The following UNC13C variants were observed in gnomAD, a reference collection of about 807,000 sequenced individuals.
UNC13C encodes the protein protein unc-13 homolog C.
UNC13C carries 174 observed loss-of-function variants against 245.4 expected under a neutral mutation model. The ratio of observed to expected loss-of-function variants is 0.71; its 90% CI spans 0.63 to 0.80. The LOEUF is 0.80. Ranked by LOEUF, UNC13C falls within the 30% of genes least tolerant of loss-of-function variation. UNC13C has a pLI of 0.00. For missense variants in UNC13C, 2,829 were observed against 2,602.9 expected (o/e 1.09, Z -1.89); for synonymous variants, 992 against 895.1 (o/e 1.11, Z -1.93).
At chr15:53,843,577 G>A in the UNC13C span, among the ~76,000 whole-genome samples, 21 of 152,016 alleles carry the variant, frequency 1.4e-4, no homozygotes, top group Non-Finnish European at 2.6e-4. Context: ...TTCAAGGAGG[G>A]ACCAGTGGGT....
the UNC13C span, among the ~76,000 whole-genome samples, chr15:53,890,769 G>C: frequency 1.3e-5 from 2 of 151,992 alleles, no homozygotes; most frequent in Admixed American, 1.3e-4. Flanking sequence ...TTCTTTGTTA[G>C]TCTGGCTAGT....
At chr15:54,049,238 T>C in intron 2 of UNC13C, 1 of 511,614 alleles carries the variant, frequency 2.0e-6, no homozygotes, top group Non-Finnish European at 3.8e-6. Flanking sequence ...GTATCATTAC[T>C]CAGAGACACA....
At chr15:53,891,844 C>T in the UNC13C span, among the ~76,000 whole-genome samples, 1 of 152,150 alleles carries the variant, frequency 6.6e-6, no homozygotes, top group African/African-American at 2.4e-5. Flanking sequence ...TTAATTGGGG[C>T]ATTTAGCCCA....
At chr15:53,951,703 A>G in the UNC13C span, among the ~76,000 whole-genome samples, 1 of 152,094 alleles carries the variant, frequency 6.6e-6, no homozygotes, top group Admixed American at 6.6e-5. Context: ...TTTAACCACT[A>G]CCCTTCAAGG....
At chr15:54,368,616 C>T (rs1028693117) in intron 17 of UNC13C, among the ~76,000 whole-genome samples, 2 of 151,602 alleles carry the variant, frequency 1.3e-5, no homozygotes, top group Admixed American at 1.3e-4. Flanking sequence ...TTCACTGTGC[C>T]TCAGTTCCCC....
At chr15:54,286,012 G>T (rs1171085808) in intron 10 of UNC13C, among the ~76,000 whole-genome samples, 1 of 151,986 alleles carries the variant, frequency 6.6e-6, no homozygotes, top group Non-Finnish European at 1.5e-5. Flanking sequence ...TGAGTAGCTG[G>T]AGTTGCAGGT....
intron 2 of UNC13C, among the ~76,000 whole-genome samples, chr15:54,139,248 G>A (rs539107443): frequency 7.5e-6 from 1 of 132,998 alleles, no homozygotes; most frequent in Non-Finnish European, 1.7e-5. Flanking sequence ...GTGAGCAACC[G>A]CATCCGGCCC....
chr15:54,244,896 G>A (rs1364227195), intron 7 of UNC13C, among the ~76,000 whole-genome samples: 1 of 152,040 alleles, frequency 6.6e-6, no homozygotes, highest in Non-Finnish European at 1.5e-5. Flanking sequence ...TCTAAATATA[G>A]GATTATGTCC....
intron 23 of UNC13C, among the ~76,000 whole-genome samples, chr15:54,511,102 C>T (rs547451015): frequency 5.9e-5 from 9 of 152,074 alleles, no homozygotes; most frequent in East Asian, 1.9e-4. Context: ...ATGTATTTAA[C>T]GTTAGCTGGT....
intron 13 of UNC13C, among the ~76,000 whole-genome samples, chr15:54,309,282 A>G (rs1172899845): frequency 1.3e-5 from 2 of 151,782 alleles, no homozygotes; most frequent in African/African-American, 4.8e-5. Flanking sequence ...TTCATATACT[A>G]TTGGGCATTT....
intron 4 of UNC13C, among the ~76,000 whole-genome samples, chr15:54,233,540 A>G (rs554094648): frequency 2.7e-4 from 41 of 152,272 alleles, no homozygotes; most frequent in Non-Finnish European, 4.3e-4. Context: ...AATTCATTTT[A>G]TCTTTATTAC....
intron 12 of UNC13C, among the ~76,000 whole-genome samples, chr15:54,299,883 C>T (rs541007533): frequency 2.5e-4 from 38 of 152,208 alleles, no homozygotes; most frequent in Non-Finnish European, 4.6e-4. Context: ...GCTGAGGAAA[C>T]TAAAGCCTTG....
chr15:53,884,298 A>T, the UNC13C span, among the ~76,000 whole-genome samples: 8 of 151,966 alleles, frequency 5.3e-5, no homozygotes, highest in Admixed American at 4.6e-4. Flanking sequence ...TTTTCTCAGT[A>T]ATTTCCCAGG....
intron 2 of UNC13C, among the ~76,000 whole-genome samples, chr15:54,016,379 C>T (rs973143641): frequency 6.6e-6 from 1 of 152,122 alleles, no homozygotes; most frequent in African/African-American, 2.4e-5. Flanking sequence ...TTAGGGGTTG[C>T]CCATAGGAAA....
chr15:54,593,077 A>G (rs1898890368), intron 30 of UNC13C, among the ~76,000 whole-genome samples: 1 of 151,978 alleles, frequency 6.6e-6, no homozygotes, highest in Non-Finnish European at 1.5e-5. Context: ...GCTTGGTTTC[A>G]CTGGATACAA....
chr15:54,209,521 T>A (rs1281624684), intron 4 of UNC13C, among the ~76,000 whole-genome samples: 1 of 152,000 alleles, frequency 6.6e-6, no homozygotes, highest in Non-Finnish European at 1.5e-5. Flanking sequence ...CAGATGATCC[T>A]CCCTCCTCAA....
At chr15:54,409,739 A>G (rs182157984) in intron 18 of UNC13C, among the ~76,000 whole-genome samples, 2 of 152,238 alleles carry the variant, frequency 1.3e-5, no homozygotes, top group African/African-American at 2.4e-5. Flanking sequence ...GTGGTATCCT[A>G]TGGTACAAAT....
At chr15:54,378,852 A>G (rs1428430640) in intron 17 of UNC13C, among the ~76,000 whole-genome samples, 1 of 152,052 alleles carries the variant, frequency 6.6e-6, no homozygotes, top group African/African-American at 2.4e-5. Context: ...TTAACTATGT[A>G]CAGTCTATTC....
chr15:53,970,053 T>C, the UNC13C span, among the ~76,000 whole-genome samples: 4 of 124,330 alleles, frequency 3.2e-5, no homozygotes, highest in Non-Finnish European at 6.5e-5. Flanking sequence ...CAAGTTTTCC[T>C]TTTTTTTTTT....
Sources: allele counts gnomAD v4.1 joint callset (sites outside exome capture counted in the v4.1 genomes callset), GRCh38; gene constraint gnomAD v4.1.1; transcripts MANE v1.5; gene names NCBI Gene and HGNC (gene_info 2026-07-23, HGNC 2026-07-21).